CISD2: variants seen among roughly 807,000 people sequenced by gnomAD.
CISD2 encodes the protein CDGSH iron-sulfur domain-containing protein 2.
A neutral mutation model predicts 12.9 loss-of-function variants in CISD2; 1 was observed. The ratio of observed to expected loss-of-function variants is 0.08; its 90% CI spans 0.03 to 0.37. CISD2 has a LOEUF of 0.37. Ranked by LOEUF, CISD2 falls within the 10% of genes least tolerant of loss-of-function variation. The pLI is 0.99. For missense variants in CISD2, 97 were observed against 163.1 expected, an observed-to-expected ratio of 0.59 and a Z score of 2.21; for synonymous variants, 50 against 60.6, an observed-to-expected ratio of 0.83 and a Z score of 0.81.
In CISD2 at chr4:102,888,979, A is replaced by G. The variant is rs1578319542; in HGVS notation, c.*1549A>G. The stretch of plus-strand genomic sequence containing the variant: ...TTATAAGAATGTACAAGAGGCAGAC[A>G]GAGGTAATCCTTCTAGAAATAAAAC... On this transcript the variant is annotated 3_prime_UTR_variant, in exon 3 of 3. Coordinates refer to ENST00000273986, the MANE Select transcript of CISD2 (RefSeq NM_001008388.5). 6.6e-6 allele frequency: 1 copy of G among 152,262 alleles called. No homozygotes were observed. Among genetic ancestry groups the G allele is most frequent in the Non-Finnish European group, 1.5e-5 (1 of 68,040 alleles). 9.4% of individuals were successfully genotyped at this position (152,262 alleles called of 1,614,324 possible).
chr4:102,876,479 G>A (rs772678134), intron 1 of CISD2, among the ~76,000 whole-genome samples: 1 of 152,216 alleles, frequency 6.6e-6, no homozygotes, highest in Non-Finnish European at 1.5e-5. Context: ...GCCAGGTGCT[G>A]TGGCTCATGC....
intron 1 of CISD2, among the ~76,000 whole-genome samples, chr4:102,884,534 G>T (rs1159877033): frequency 6.6e-6 from 1 of 152,158 alleles, no homozygotes; most frequent in Non-Finnish European, 1.5e-5. Flanking sequence ...TGGTATTTTT[G>T]TGTCCACATG....
intron 2 of CISD2, among the ~76,000 whole-genome samples, chr4:102,886,402 A>T (rs974740409): frequency 6.6e-5 from 10 of 152,018 alleles, no homozygotes; most frequent in Non-Finnish European, 1.5e-4. Flanking sequence ...GAGGCAGGAA[A>T]ATCACTTGAA....
intron 1 of CISD2, among the ~76,000 whole-genome samples, chr4:102,872,258 C>T (rs973746980): frequency 2.0e-5 from 3 of 151,926 alleles, no homozygotes; most frequent in South Asian, 4.2e-4. Flanking sequence ...TTAGTAGAGA[C>T]GGAGTTTCAC....
chr4:102,885,172 C>T (rs749424337), intron 1 of CISD2, 44 bp from the exon 2 acceptor site: 9 of 1,481,490 alleles, frequency 6.1e-6, no homozygotes, highest in Non-Finnish European at 8.5e-6. Flanking sequence ...ATTTTGAATT[C>T]TTTTCCAAGA....
At chr4:102,873,081 G>C (rs559729141) in intron 1 of CISD2, among the ~76,000 whole-genome samples, 1 of 152,236 alleles carries the variant, frequency 6.6e-6, no homozygotes, top group East Asian at 1.9e-4. Flanking sequence ...CAGATATCAT[G>C]AGAACTCACT....
At chr4:102,870,463 C>G (rs1345747910) in intron 1 of CISD2, among the ~76,000 whole-genome samples, 1 of 152,038 alleles carries the variant, frequency 6.6e-6, no homozygotes, top group African/African-American at 2.4e-5. Context: ...TCTTCCAAAT[C>G]TAGAGATTCA....
In CISD2 at chr4:102,889,652, C is replaced by G. The variant is rs1472720810; in HGVS notation, c.*2222C>G. ...AAAGACTTTTTCCCTGCCACATTTT[C>G]AGTTGTTAAAATATGCTAAGAGCTA... On this transcript the variant is annotated 3_prime_UTR_variant, in exon 3 of 3. Transcript: ENST00000273986. The G allele has an allele frequency of 2.0e-5, 3 of 152,176 alleles. No homozygotes were observed. The highest frequency in any genetic ancestry group is 4.4e-5 in the Non-Finnish European group (3 of 68,034). The allele number at this position is 152,176 out of a possible 1,614,324, so 9.4% of individuals were successfully genotyped here. A position where few individuals can be genotyped will look rare whatever the true frequency, so the allele number is the denominator to read the frequency against.
In CISD2 at chr4:102,869,514, T is replaced by C. The variant is rs568608502; in HGVS notation, c.103+327T>C. Reference sequence around the variant, plus strand: ...CTCCTGTCCTGCTCATCGCTCTCTGTAGCGTACTTGTTTATTTTAAAGCGG... The same window carrying C: ...CTCCTGTCCTGCTCATCGCTCTCTGCAGCGTACTTGTTTATTTTAAAGCGG... On this transcript the variant is annotated intron_variant, in intron 1 of 2. Coordinates refer to ENST00000273986, the MANE Select transcript of CISD2 (RefSeq NM_001008388.5). 3.1e-5 allele frequency: 22 copies of C among 702,460 alleles called. No individual in the cohort carries two copies. In the Middle Eastern group the frequency reaches 1.8e-3, roughly 59 times the overall value. 43.5% of individuals were successfully genotyped at this position (702,460 alleles called of 1,614,324 possible). A position where few individuals can be genotyped will look rare whatever the true frequency, so the allele number is the denominator to read the frequency against.
chr4:102,880,678 T>TA (rs1454707261), intron 1 of CISD2, among the ~76,000 whole-genome samples: 139 of 146,998 alleles, frequency 9.5e-4, no homozygotes, highest in East Asian at 6.3e-3. Context: ...ACTATCTCAT[T>TA]AAAAAAAAAA....
Position 102,888,686 on chromosome 4 carries a change from T to C in CISD2, c.*1256T>C, listed in dbSNP as rs995833017. The C allele has an allele frequency of 6.6e-6, 1 of 152,272 alleles. No individual in the cohort carries two copies. The allele number at this position is 152,272 out of a possible 1,614,324, so 9.4% of individuals were successfully genotyped here. A position where few individuals can be genotyped will look rare whatever the true frequency, so the allele number is the denominator to read the frequency against. On this transcript the variant is annotated 3_prime_UTR_variant, in exon 3 of 3. Coordinates refer to ENST00000273986, the MANE Select transcript of CISD2 (RefSeq NM_001008388.5). The stretch of plus-strand genomic sequence containing the variant: ...CATGGCACAGGCCTGTAGTCCCAAC[T>C]GCTGGGAAGATTGAGGTGGGAGGAT...
chr4:102,883,498 C>T (rs1050747435), intron 1 of CISD2, among the ~76,000 whole-genome samples: 2 of 152,192 alleles, frequency 1.3e-5, no homozygotes, highest in African/African-American at 2.4e-5. Context: ...TGTATCCTCT[C>T]CTCTTGGGAA....
intron 1 of CISD2, among the ~76,000 whole-genome samples, chr4:102,873,728 C>CAAAAA: frequency 1.3e-5 from 1 of 78,424 alleles, no homozygotes; most frequent in Non-Finnish European, 2.5e-5. Context: ...GAAACCGTCT[C>CAAAAA]AAAAAAAAAA....
intron 1 of CISD2, among the ~76,000 whole-genome samples, chr4:102,877,621 CTG>C (rs1553969206): frequency 6.6e-6 from 1 of 152,242 alleles, no homozygotes; most frequent in Non-Finnish European, 1.5e-5. Flanking sequence ...AGTGGGGACT[CTG>C]TGTGAGGGCT....
chr4:102,886,890 C>G (rs1733952802), intron 2 of CISD2, among the ~76,000 whole-genome samples: 1 of 152,216 alleles, frequency 6.6e-6, no homozygotes, highest in Non-Finnish European at 1.5e-5. Flanking sequence ...GTTGGGATTA[C>G]AGGCGTAAAC....
intron 1 of CISD2, among the ~76,000 whole-genome samples, chr4:102,884,860 TCTTAA>T (rs148657678): frequency 0.018 from 2,796 of 152,330 alleles, 79 homozygotes; most frequent in African/African-American, 0.061. Context: ...TAAAATGTTT[TCTTAA>T]CTTATAAAAT....
intron 1 of CISD2, among the ~76,000 whole-genome samples, chr4:102,871,647 A>G (rs926558150): frequency 6.6e-6 from 1 of 152,226 alleles, no homozygotes; most frequent in Admixed American, 6.5e-5. Flanking sequence ...CCCATTCTGA[A>G]TAGATTGTAA....
Position 102,891,216 on chromosome 4 carries a change from G to GGCA in CISD2, c.*3792_*3794dup, listed in dbSNP as rs1734232619. On this transcript the variant is annotated 3_prime_UTR_variant, in exon 3 of 3. Transcript: ENST00000273986. ...TTTTTAAAAAATTTTTAATGGTAGA[G>GGCA]GCAGCAGCTACCCAGAGTCTACTTA... 1 of 146,760 alleles carries GGCA rather than the reference G, an allele frequency of 6.8e-6. No individual in the cohort carries two copies. 9.1% of individuals were successfully genotyped at this position (146,760 alleles called of 1,614,324 possible). A position where few individuals can be genotyped will look rare whatever the true frequency, so the allele number is the denominator to read the frequency against.
chr4:102,879,452 A>G (rs1309805303), intron 1 of CISD2, among the ~76,000 whole-genome samples: 1 of 152,130 alleles, frequency 6.6e-6, no homozygotes, highest in Non-Finnish European at 1.5e-5. Flanking sequence ...TTATAGGTCC[A>G]TATAGTTACA....
Sources: gnomAD v4.1 joint callset for allele counts (sites outside exome capture counted in the v4.1 genomes callset) on GRCh38, gnomAD v4.1.1 for gene constraint, MANE v1.5 for transcripts, NCBI Gene and HGNC (gene_info 2026-07-23, HGNC 2026-07-21) for gene names.